The following RSF1 variants were observed in gnomAD, a reference collection of about 807,000 sequenced individuals.
RSF1 encodes remodeling and spacing factor 1.
RSF1 carries 13 observed loss-of-function variants against 145.2 expected under a neutral mutation model. The observed-to-expected ratio is 0.09, with a 90% CI of 0.06 to 0.14. RSF1 has a LOEUF of 0.14. RSF1 is among the 10% of genes least tolerant of loss of function. RSF1 has a pLI of 1.00. For missense variants in RSF1, 1,517 were observed against 1,718.2 expected, an observed-to-expected ratio of 0.88 and a Z score of 2.07; for synonymous variants, 577 against 592.6, an observed-to-expected ratio of 0.97 and a Z score of 0.38.
At chr11:77,696,498 T>C (rs886135986) in intron 7 of RSF1, among the ~76,000 whole-genome samples, 2 of 152,246 alleles carry the variant, frequency 1.3e-5, no homozygotes, top group Non-Finnish European at 2.9e-5. Flanking sequence ...CATAAGAATC[T>C]ACCATATTTG....
intron 1 of RSF1, among the ~76,000 whole-genome samples, chr11:77,781,729 C>G (rs1948406588): frequency 6.6e-6 from 1 of 152,042 alleles, no homozygotes; most frequent in South Asian, 2.1e-4. Context: ...CTTCTATATT[C>G]CGAATGATTT....
rs758032406 is a variant in RSF1, at chr11:77,698,611, C to T, written c.2591G>A (p.Gly864Glu). Reference sequence around the variant, plus strand: ...TGCAGATGATTTTTCACTGCCAGACCCTTCACTTTCATCATTGCTGGAATA... The same window carrying T: ...TGCAGATGATTTTTCACTGCCAGACTCTTCACTTTCATCATTGCTGGAATA... ...WKYSSNDESE[G>E]SGSEKSSAAS... Residue 864 changes from glycine to glutamate, a missense_variant, in exon 7 of 16, where the codon GGG (glycine) becomes GAG (glutamate). Gly to Glu is a moderately conservative substitution (Grantham distance 98). This residue lies in a region of RSF1 where 579 missense variants were observed against 553.5 expected (regional missense o/e 1.05). Transcript: ENST00000308488. The T allele has an allele frequency of 1.3e-5, 21 of 1,613,612 alleles. No homozygotes were observed. The highest frequency in any genetic ancestry group is 1.8e-5 in the Non-Finnish European group (21 of 1,179,962).
chr11:77,711,589 G>C (rs922016693), intron 5 of RSF1, among the ~76,000 whole-genome samples: 2 of 152,128 alleles, frequency 1.3e-5, no homozygotes, highest in Non-Finnish European at 2.9e-5. Flanking sequence ...AGAATTGCTT[G>C]CATCTGGGAG....
chr11:77,740,678 G>T, intron 4 of RSF1, 53 bp downstream of exon 4: 1 of 1,510,868 alleles, frequency 6.6e-7, no homozygotes, highest in Non-Finnish European at 9.2e-7. Context: ...TTTGAAACGA[G>T]ATCAATGTAC....
At chr11:77,819,404 G>GT (rs2135996395) in intron 1 of RSF1, among the ~76,000 whole-genome samples, 1 of 152,384 alleles carries the variant, frequency 6.6e-6, no homozygotes, top group Non-Finnish European at 1.5e-5. Context: ...AGCACTCAGT[G>GT]TGAAGGCTGG....
At chr11:77,725,396 TTTAAA>T (rs1961029944) in intron 5 of RSF1, 144 bp downstream of exon 5, 3 of 578,020 alleles carry the variant, frequency 5.2e-6, no homozygotes, top group Admixed American at 4.2e-5. Flanking sequence ...CCTCATTTTC[TTTAAA>T]TTAAGGAAAA....
chr11:77,794,715 C>T (rs542567026), intron 1 of RSF1, among the ~76,000 whole-genome samples: 1 of 152,098 alleles, frequency 6.6e-6, no homozygotes, highest in Non-Finnish European at 1.5e-5. Context: ...TAACAAAGCC[C>T]ATAGATAACA....
At chr11:77,764,547 G>T in intron 2 of RSF1, 51 bp downstream of exon 2, 2 of 994,892 alleles carry the variant, frequency 2.0e-6, no homozygotes, top group Non-Finnish European at 1.6e-6. Context: ...ATCAATTTAT[G>T]CTAGAGTAAT....
intron 5 of RSF1, among the ~76,000 whole-genome samples, chr11:77,722,218 TG>T (rs1028979309): frequency 6.6e-6 from 1 of 152,078 alleles, no homozygotes; most frequent in Admixed American, 6.6e-5. Context: ...GAGAATGAAA[TG>T]TCCTGCTCCT....
At chr11:77,818,059 C>G (rs780076870) in intron 1 of RSF1, among the ~76,000 whole-genome samples, 10 of 152,172 alleles carry the variant, frequency 6.6e-5, no homozygotes, top group African/African-American at 1.4e-4. Flanking sequence ...ATTCTAAGAT[C>G]ACCTTATGAT....
chr11:77,695,312 C>A (rs1454524236), intron 7 of RSF1, among the ~76,000 whole-genome samples: 2 of 151,966 alleles, frequency 1.3e-5, no homozygotes, highest in Non-Finnish European at 2.9e-5. Flanking sequence ...CTGCTTGCAA[C>A]GATTGTTACT....
At chr11:77,778,662 A>G (rs1948372933) in intron 1 of RSF1, among the ~76,000 whole-genome samples, 1 of 152,110 alleles carries the variant, frequency 6.6e-6, no homozygotes, top group South Asian at 2.1e-4. Flanking sequence ...AACAATTTTT[A>G]GCAGAGATGA....
At position 77,764,673 on chromosome 11, in the gene RSF1, C is replaced by T. The variant is rs772730352; in HGVS notation, c.204G>A (p.Val68=). Reference sequence around the variant, plus strand: ...TCCTCATCAGCTTCAAATGGAGCTCCACCAATTCTTTTGGTACTTAAAAGA... The same window carrying T: ...TCCTCATCAGCTTCAAATGGAGCTCTACCAATTCTTTTGGTACTTAAAAGA... ...VGNGEVPKEL[V]ELHLKLMRKI... Residue 68 remains valine (V), a synonymous_variant, in exon 2 of 16, where the codon GTG becomes GTA. Coordinates refer to ENST00000308488, the MANE Select transcript of RSF1 (RefSeq NM_016578.4). The T allele has an allele frequency of 1.3e-6, 2 of 1,599,940 alleles. No homozygotes were observed. Among genetic ancestry groups the T allele is most frequent in the East Asian group, 2.2e-5 (1 of 44,640 alleles).
In RSF1 at chr11:77,684,736, C is replaced by G. The variant is rs144788710; in HGVS notation, c.2955+369G>C. Among the ~76,000 whole-genome samples, 1,323 of 152,134 alleles carry G rather than the reference C, an allele frequency of 8.7e-3. 20 individuals carry two copies. The highest frequency in any genetic ancestry group is 0.029 in the African/African-American group (1,213 of 41,498). On this transcript the variant is annotated intron_variant, in intron 10 of 15. Coordinates refer to ENST00000308488, the MANE Select transcript of RSF1 (RefSeq NM_016578.4). Reference sequence around the variant, plus strand: ...GGAGCAGTGGCTCACACCTATAATCCCAGCACTTTGGGAGACCAAGACAGG... The same window carrying G: ...GGAGCAGTGGCTCACACCTATAATCGCAGCACTTTGGGAGACCAAGACAGG...
chr11:77,685,055 A>G, intron 10 of RSF1, 50 bp downstream of exon 10: 2 of 1,013,898 alleles, frequency 2.0e-6, no homozygotes, highest in Non-Finnish European at 2.9e-6. Flanking sequence ...AAAATTTTAG[A>G]GCAATTATGA....
At chr11:77,762,027 C>CTTTTCTTTTTTTTT (rs1948178767) in intron 2 of RSF1, 3 of 58,746 alleles carry the variant, frequency 5.1e-5, no homozygotes, top group African/African-American at 2.3e-4. Context: ...CTTTTCTTTT[C>CTTTTCTTTTTTTTT]TTTTTTTTTT....
intron 4 of RSF1, chr11:77,734,753 C>T: frequency 6.4e-7 from 1 of 1,555,250 alleles, no homozygotes; most frequent in Non-Finnish European, 8.8e-7. Flanking sequence ...TCCCAGTCAT[C>T]ACAGTCTGGT....
rs398045289 is a variant in RSF1, at chr11:77,729,895, CAAA to C, written c.579-4199_579-4197del. Among the ~76,000 whole-genome samples, 214 of 48,904 alleles carry C rather than the reference CAAA, an allele frequency of 4.4e-3. 1 individual carries two copies. Among genetic ancestry groups the C allele is most frequent in the Non-Finnish European group, 7.1e-3 (159 of 22,334 alleles). 32.1% of individuals were successfully genotyped at this position (48,904 alleles called of 152,430 possible). On this transcript the variant is annotated intron_variant, in intron 4 of 15. Transcript: ENST00000308488. Reference sequence around the variant, plus strand: ...TATAAATGCCAAATTATTCAGTAGGCAAAAAAAAAAAAAAAAAAAAAAAAAAAA... The same window carrying C: ...TATAAATGCCAAATTATTCAGTAGGCAAAAAAAAAAAAAAAAAAAAAAAAA...
At chr11:77,766,334 T>G (rs551816962) in intron 1 of RSF1, among the ~76,000 whole-genome samples, 93 of 152,310 alleles carry the variant, frequency 6.1e-4, no homozygotes, top group Non-Finnish European at 1.2e-3. Flanking sequence ...TTTCAGTCAT[T>G]CTTTCATTCT....
Sources: allele counts gnomAD v4.1 joint callset (sites outside exome capture counted in the v4.1 genomes callset), GRCh38; gene constraint gnomAD v4.1.1; regional missense constraint gnomAD v4.1.1; transcripts MANE v1.5; gene names NCBI Gene and HGNC (gene_info 2026-07-23, HGNC 2026-07-21).